The following CMKLR2 variants were observed in gnomAD, a reference collection of about 807,000 sequenced individuals.
CMKLR2 encodes the protein chemerin chemokine-like receptor 2.
Under a neutral mutation model 23.0 loss-of-function variants are expected in CMKLR2, and 18 were observed. The observed-to-expected ratio is 0.78, with a 90% CI of 0.54 to 1.16. The LOEUF is 1.16. Among genes scored for constraint, CMKLR2 ranks in the 50% most tolerant of loss-of-function variants. The pLI, the probability that CMKLR2 is intolerant of heterozygous loss-of-function variation, is 0.00. For synonymous variants in CMKLR2, 158 were observed against 158.9 expected (o/e 0.99, Z 0.05); for missense variants, 401 against 412.7 (o/e 0.97, Z 0.25).
upstream of CMKLR2, among the ~76,000 whole-genome samples, chr2:206,215,864 T>C (rs1689737023): frequency 6.6e-6 from 1 of 152,188 alleles, no homozygotes; most frequent in African/African-American, 2.4e-5. Context: ...GTCAGTTAAT[T>C]GGAGATCTAT....
At position 206,177,057 on chromosome 2, in the gene CMKLR2, C is replaced by T; in HGVS notation, c.191G>A (p.Gly64Glu). 1 of 1,614,152 alleles carries T rather than the reference C, an allele frequency of 6.2e-7. No homozygotes were observed. Among genetic ancestry groups the T allele is most frequent in the Non-Finnish European group, 8.5e-7 (1 of 1,180,044 alleles). Residue 64 changes from glycine to glutamate, a missense_variant, in exon 2 of 2, where the codon GGG becomes GAG. Transcript: ENST00000621141. The stretch of plus-strand genomic sequence containing the variant: ...GGTGACTGTCTTCTTCCACTTGAAC[C>T]CCGTGAACCAAATGACGATGGCATT... ...PGNAIVIWFT[G>E]FKWKKTVTTL...
At chr2:206,193,772 A>G (rs762667976) in intron 1 of CMKLR2, among the ~76,000 whole-genome samples, 2 of 152,226 alleles carry the variant, frequency 1.3e-5, no homozygotes, top group Non-Finnish European at 2.9e-5. Flanking sequence ...GTCTGAGACT[A>G]GAATATTTAA....
intron 1 of CMKLR2, among the ~76,000 whole-genome samples, chr2:206,200,761 T>C (rs1160863980): frequency 6.6e-6 from 1 of 152,178 alleles, no homozygotes; most frequent in African/African-American, 2.4e-5. Flanking sequence ...TCGTACCTAA[T>C]AGGCAGTTTA....
At chr2:206,202,363 T>C (rs538049641) in intron 1 of CMKLR2, among the ~76,000 whole-genome samples, 11 of 152,292 alleles carry the variant, frequency 7.2e-5, no homozygotes, top group African/African-American at 2.4e-4. Flanking sequence ...GAAGACGGTA[T>C]GAAATATATT....
At chr2:206,187,899 C>A (rs1337033544) in intron 1 of CMKLR2, among the ~76,000 whole-genome samples, 3 of 151,958 alleles carry the variant, frequency 2.0e-5, no homozygotes, top group African/African-American at 7.2e-5. Flanking sequence ...GATATTAGGT[C>A]TCTTTTTTTA....
At chr2:206,190,711 GAGAA>G (rs981195471) in intron 1 of CMKLR2, among the ~76,000 whole-genome samples, 8 of 152,310 alleles carry the variant, frequency 5.3e-5, no homozygotes, top group Admixed American at 1.3e-4. Flanking sequence ...GCGAGATTGG[GAGAA>G]AGAAAGAAAG....
chr2:206,206,497 C>T (rs187544914), intron 1 of CMKLR2, among the ~76,000 whole-genome samples: 28 of 152,300 alleles, frequency 1.8e-4, no homozygotes, highest in Admixed American at 1.4e-3. Flanking sequence ...AAGAGAAAAT[C>T]GCGAGCTCTT....
At chr2:206,195,688 C>T (rs748835886) in intron 1 of CMKLR2, among the ~76,000 whole-genome samples, 10 of 152,258 alleles carry the variant, frequency 6.6e-5, no homozygotes, top group Non-Finnish European at 1.3e-4. Context: ...GGCGCAGTGG[C>T]TCACGCCTGT....
At chr2:206,181,328 G>T (rs1688406128) in intron 1 of CMKLR2, among the ~76,000 whole-genome samples, 4 of 151,918 alleles carry the variant, frequency 2.6e-5, no homozygotes, top group Admixed American at 2.6e-4. Context: ...CCAAAGTGCT[G>T]GGATTACAGG....
Position 206,176,818 on chromosome 2 carries a change from A to ATCT in CMKLR2, c.429_430insAGA (p.Val143_Leu144insArg). On this transcript the variant is annotated inframe_insertion, in exon 2 of 2. Transcript: ENST00000621141. Reference sequence around the variant, plus strand: ...TTGAGGGTTCGATGCCGATGAGATAAGACAGGATGGATCAAGTGGATATAG... The same window carrying ATCT: ...TTGAGGGTTCGATGCCGATGAGATAATCTGACAGGATGGATCAAGTGGATATAG... The ATCT allele has an allele frequency of 6.2e-7, 1 of 1,614,198 alleles. No homozygotes were observed. The highest frequency in any genetic ancestry group is 1.1e-5 in the South Asian group (1 of 91,080).
In CMKLR2 at chr2:206,176,384, G is replaced by A; in HGVS notation, c.864C>T (p.Leu288=). 1 of 1,614,176 alleles carries A rather than the reference G, an allele frequency of 6.2e-7. No individual in the cohort carries two copies. Among genetic ancestry groups the A allele is most frequent in the Non-Finnish European group, 8.5e-7 (1 of 1,180,032 alleles). ...TATTGAGGAATGCCAAACCAGTGGA[G>A]AGGGGGATTCCAGCCTGCATCACAT... ...SHHVMQAGIP[L]STGLAFLNSC... is the part of the protein sequence containing the mutation. Residue 288 remains leucine (L), a synonymous_variant, in exon 2 of 2, where the codon CTC becomes CTT. Transcript: ENST00000621141.
At chr2:206,204,502 A>G (rs568149480) in intron 1 of CMKLR2, among the ~76,000 whole-genome samples, 7 of 152,176 alleles carry the variant, frequency 4.6e-5, no homozygotes, top group South Asian at 4.2e-4. Flanking sequence ...TTAATGATCA[A>G]TGGCTCTAAT....
rs201014131 is a variant in CMKLR2, at chr2:206,176,865, A to G, written c.383T>C (p.Leu128Pro). ...QLNMFASVFF[L>P]TVISLDHYIH... ...ATAGTGGTCCAGGCTGATCACTGTC[A>G]GGAAAAAAACACTGGCAAACATGTT... The change falls in exon 2 of 2, where the codon CTG becomes CCG. Residue 128 changes from leucine (L) to proline (P), a missense_variant. By Grantham distance (98) the Leu-to-Pro change is moderately conservative (BLOSUM62 -3). Transcript: ENST00000621141. 1 of 1,614,252 alleles carries G rather than the reference A, an allele frequency of 6.2e-7. No individual in the cohort carries two copies. The highest frequency in any genetic ancestry group is 8.5e-7 in the Non-Finnish European group (1 of 1,180,036).
At chr2:206,180,183 C>T (rs1186516873) in intron 1 of CMKLR2, among the ~76,000 whole-genome samples, 2 of 151,706 alleles carry the variant, frequency 1.3e-5, no homozygotes, top group Non-Finnish European at 2.9e-5. Context: ...TTACTAGATG[C>T]CAGACATGTA....
chr2:206,188,775 A>G (rs1488899345), intron 1 of CMKLR2, among the ~76,000 whole-genome samples: 1 of 152,216 alleles, frequency 6.6e-6, no homozygotes, highest in Non-Finnish European at 1.5e-5. Context: ...GCATAGAACT[A>G]CCTATTGAAT....
intron 1 of CMKLR2, among the ~76,000 whole-genome samples, chr2:206,187,193 A>G: frequency 6.6e-6 from 1 of 152,118 alleles, no homozygotes; most frequent in East Asian, 1.9e-4. Flanking sequence ...CTAAAAACAC[A>G]AAAATTAGCC....
chr2:206,191,500 T>C (rs1008989609), intron 1 of CMKLR2, among the ~76,000 whole-genome samples: 21 of 152,022 alleles, frequency 1.4e-4, no homozygotes, highest in Non-Finnish European at 7.4e-5. Flanking sequence ...TTAAAAAAAA[T>C]ACTGAATCTG....
intron 1 of CMKLR2, among the ~76,000 whole-genome samples, chr2:206,182,247 C>A (rs1214684340): frequency 6.6e-6 from 1 of 152,170 alleles, no homozygotes; most frequent in Admixed American, 6.6e-5. Flanking sequence ...AGCTTAGTAA[C>A]TTACTCAAGA....
At chr2:206,210,087 C>T (rs1447438734) in intron 1 of CMKLR2, among the ~76,000 whole-genome samples, 1 of 151,944 alleles carries the variant, frequency 6.6e-6, no homozygotes, top group Non-Finnish European at 1.5e-5. Context: ...CCTCAGCCTC[C>T]CAAGTAGCTG....
Sources: allele counts gnomAD v4.1 joint callset (sites outside exome capture counted in the v4.1 genomes callset), GRCh38; gene constraint gnomAD v4.1.1; transcripts MANE v1.5; gene names NCBI Gene and HGNC (gene_info 2026-07-23, HGNC 2026-07-21).